GPR174: variants seen among roughly 807,000 people sequenced by gnomAD.
The protein encoded by GPR174 is G protein-coupled receptor 174, also known as probable G protein-coupled receptor 174.
A neutral mutation model predicts 16.5 loss-of-function variants in GPR174; 8 were observed. The observed-to-expected ratio is 0.48, with a 90% CI of 0.28 to 0.87. The LOEUF (loss-of-function observed/expected upper bound fraction) is 0.87. Among genes scored for constraint, GPR174 ranks in the 40% least tolerant of loss-of-function variants. The pLI is 0.09. For synonymous variants in GPR174, 111 were observed against 94.8 expected (o/e 1.17, Z -0.99); for missense variants, 214 against 247.5 (o/e 0.86, Z 0.91).
At chrX:79,150,907 G>A (rs1466626588) in intron 1 of GPR174, among the ~76,000 whole-genome samples, 1 of 111,226 alleles carries the variant, frequency 9.0e-6, no homozygotes. Flanking sequence ...ACATTTAGGA[G>A]TTTCCAGAGC....
chrX:79,171,012 C>T lies in GPR174; in HGVS notation c.5C>T (p.Pro2Leu), dbSNP rs769369412. The T allele has an allele frequency of 8.4e-7, 1 of 1,185,391 alleles. No homozygotes were observed. The highest frequency in any genetic ancestry group is 3.0e-5 in the East Asian group (1 of 33,615). ...ATAGTTTCTCTAGAGAGAATCATGC[C>T]TGCTAATTACACGTGTACCAGGCCA... MPANYTCTRPDG... is the reference protein window; with the variant it reads MLANYTCTRPDG... Residue 2 changes from proline to leucine, a missense_variant, in exon 3 of 3, where the codon CCT becomes CTT. Transcript: ENST00000645147.
rs776806675 is a variant in GPR174 at position 79,174,551 on chromosome X, C to A, written c.*2542C>A. Reference sequence around the variant, plus strand: ...ATTTTGGATAAAGTGGGTCCCACAGCACTGCCTTTCATATTGCATACAGTA... The same window carrying A: ...ATTTTGGATAAAGTGGGTCCCACAGAACTGCCTTTCATATTGCATACAGTA... On this transcript the variant is annotated 3_prime_UTR_variant, in exon 3 of 3. Coordinates refer to ENST00000645147, the MANE Select transcript of GPR174 (RefSeq NM_032553.3). 9.1e-6 allele frequency: 1 copy of A among 109,655 alleles called. No homozygotes were observed. Among genetic ancestry groups the A allele is most frequent in the South Asian group, 4.0e-4 (1 of 2,507 alleles). 9.0% of individuals were successfully genotyped at this position (109,655 alleles called of 1,213,427 possible).
chrX:79,152,336 C>T (rs1259087762), intron 1 of GPR174, among the ~76,000 whole-genome samples: 5 of 105,489 alleles, frequency 4.7e-5, no homozygotes, highest in Non-Finnish European at 1.0e-4. Context: ...TGTGAGTAAG[C>T]TTTTTCCTTA....
At chrX:79,146,049 G>T (rs5912775) in intron 1 of GPR174, among the ~76,000 whole-genome samples, 42,647 of 110,756 alleles carry the variant, frequency 0.39, 6,501 homozygotes, top group Non-Finnish European at 0.49. Flanking sequence ...TTTGCGTGTT[G>T]TCTCTGTTTT....
chrX:79,169,200 AG>A (rs1016040571), intron 2 of GPR174, among the ~76,000 whole-genome samples: 1 of 111,369 alleles, frequency 9.0e-6, no homozygotes, highest in Non-Finnish European at 1.9e-5. Context: ...CAGTATGCTG[AG>A]GAAAAAAAAA....
Position 79,156,872 on chromosome X carries a change from C to T in GPR174, c.-603C>T, listed in dbSNP as rs896587265. 8.9e-6 allele frequency: 1 copy of T among 112,045 alleles called. No homozygotes were observed. Among genetic ancestry groups the T allele is most frequent in the Non-Finnish European group, 1.9e-5 (1 of 53,161 alleles). The allele number at this position is 112,045 out of a possible 1,213,427, so 9.2% of individuals were successfully genotyped here. A position where few individuals can be genotyped will look rare whatever the true frequency, so the allele number is the denominator to read the frequency against. ...TTCTCCAACACTTCCTCAGGAGACC[C>T]TATTGCTCTGATCAAGAAGTTCCAT... On this transcript the variant is annotated 5_prime_UTR_variant, in exon 2 of 3. Coordinates refer to ENST00000645147, the MANE Select transcript of GPR174 (RefSeq NM_032553.3).
intron 1 of GPR174, among the ~76,000 whole-genome samples, chrX:79,154,616 T>A (rs187896495): frequency 9.0e-6 from 1 of 110,939 alleles, no homozygotes; most frequent in Admixed American, 9.7e-5. Flanking sequence ...TATTCCCCAA[T>A]ATTTATCAAG....
Position 79,172,263 on chromosome X carries a change from T to A in GPR174, c.*254T>A, listed in dbSNP as rs1327991579. On this transcript the variant is annotated 3_prime_UTR_variant, in exon 3 of 3. Transcript: ENST00000645147. Reference sequence around the variant, plus strand: ...CTTAAAATATCAAATTTCTGTGACATCCTATAAACATATGCACTCAACTGT... The same window carrying A: ...CTTAAAATATCAAATTTCTGTGACAACCTATAAACATATGCACTCAACTGT... 1 of 345,594 alleles carries A rather than the reference T, an allele frequency of 2.9e-6. No individual in the cohort carries two copies. Among genetic ancestry groups the A allele is most frequent in the African/African-American group, 2.6e-5 (1 of 38,279 alleles). The allele number at this position is 345,594 out of a possible 1,213,427, so 28.5% of individuals were successfully genotyped here.
chrX:79,172,868 C>T lies in GPR174; in HGVS notation c.*859C>T, dbSNP rs912431761. On this transcript the variant is annotated 3_prime_UTR_variant, in exon 3 of 3. Transcript: ENST00000645147. The stretch of plus-strand genomic sequence containing the variant: ...GAACACTTCTGGAGATGTATGGACC[C>T]GCCTAGTAGAGGAAGTTTTTATCAT... 4 of 111,122 alleles carry T rather than the reference C, an allele frequency of 3.6e-5. No individual in the cohort carries two copies. The highest frequency in any genetic ancestry group is 1.3e-4 in the African/African-American group (4 of 30,507). 9.2% of individuals were successfully genotyped at this position (111,122 alleles called of 1,213,427 possible). A position where few individuals can be genotyped will look rare whatever the true frequency, so the allele number is the denominator to read the frequency against.
chrX:79,166,432 C>T (rs373364316), intron 2 of GPR174, among the ~76,000 whole-genome samples: 107 of 43,510 alleles, frequency 2.5e-3, no homozygotes, highest in South Asian at 0.011. Context: ...TTTCTTTTTT[C>T]TTTTTTTTTT....
chrX:79,158,741 C>T (rs937787233), intron 2 of GPR174, among the ~76,000 whole-genome samples: 3 of 99,203 alleles, frequency 3.0e-5, no homozygotes, highest in Non-Finnish European at 6.0e-5. Flanking sequence ...CGCACCCAGC[C>T]GACAGTGGCA....
chrX:79,161,212 G>A (rs902153459), intron 2 of GPR174, among the ~76,000 whole-genome samples: 1 of 111,862 alleles, frequency 8.9e-6, no homozygotes, highest in African/African-American at 3.3e-5. Flanking sequence ...AAATACTTAG[G>A]TTGGTAGGTA....
chrX:79,171,230 A>C lies in GPR174; in HGVS notation c.223A>C (p.Arg75=). Residue 75 remains arginine (R), a synonymous_variant, in exon 3 of 3, where the codon AGG becomes CGG. Transcript: ENST00000645147. ...ACTACAAGTTCTTTCCTTGCCACTGAGGATCTTCTACTACTTGAATCATGA... is the reference window on the plus strand; with the variant it reads ...ACTACAAGTTCTTTCCTTGCCACTGCGGATCTTCTACTACTTGAATCATGA... The part of the protein sequence containing the change: ...DLLQVLSLPL[R]IFYYLNHDWP... The C allele has an allele frequency of 2.5e-6, 3 of 1,210,433 alleles. No homozygotes were observed. The highest frequency in any genetic ancestry group is 4.4e-5 in the Admixed American group (2 of 45,932).
rs199569151 is a variant in GPR174 at position 79,171,598 on chromosome X, G to A, written c.591G>A (p.Pro197=). 52 of 1,209,019 alleles carry A rather than the reference G, an allele frequency of 4.3e-5. No homozygotes were observed. The highest frequency in any genetic ancestry group is 2.3e-4 in the Middle Eastern group (1 of 4,350). Residue 197 remains proline, a synonymous_variant, in exon 3 of 3, where the codon CCG becomes CCA. Coordinates refer to ENST00000645147, the MANE Select transcript of GPR174 (RefSeq NM_032553.3). ...GCGAGTTGATTGGGTTTGTAACTCC[G>A]CTTCTGATTGTCCTATATTGTACCT... ...TIGELIGFVT[P]LLIVLYCTWK... is the part of the protein sequence containing the mutation.
At chrX:79,146,228 AC>A (rs1926497630) in intron 1 of GPR174, among the ~76,000 whole-genome samples, 1 of 111,724 alleles carries the variant, frequency 9.0e-6, no homozygotes, top group Non-Finnish European at 1.9e-5. Context: ...GTACAATATG[AC>A]CCAGGATTAA....
chrX:79,158,886 G>T (rs994856795), intron 2 of GPR174, among the ~76,000 whole-genome samples: 1 of 107,364 alleles, frequency 9.3e-6, no homozygotes, highest in Non-Finnish European at 1.9e-5. Flanking sequence ...GTAATGTAAA[G>T]ACTGCAACTA....
At position 79,170,942 on chromosome X, in the gene GPR174, C is replaced by A. The variant is rs1868290488; in HGVS notation, c.-66C>A. 5.2e-6 allele frequency: 5 copies of A among 963,286 alleles called. No individual in the cohort carries two copies. The highest frequency in any genetic ancestry group is 7.2e-6 in the Non-Finnish European group (5 of 698,437). The allele number at this position is 963,286 out of a possible 1,213,427, so 79.4% of individuals were successfully genotyped here. ...CTGGCAATCAATCTTTTGGAAGGAA[C>A]AGCAGTTGATTGTGAATTTAGTTTT... is the stretch of plus-strand genomic sequence containing the variant. On this transcript the variant is annotated 5_prime_UTR_variant, in exon 3 of 3. Transcript: ENST00000645147.
intron 2 of GPR174, among the ~76,000 whole-genome samples, chrX:79,158,046 A>G (rs1921141333): frequency 9.4e-6 from 1 of 106,821 alleles, no homozygotes; most frequent in Non-Finnish European, 2.0e-5. Flanking sequence ...GTTTGATGCA[A>G]AAGTAATTGT....
chrX:79,146,044 G>A lies in GPR174; in HGVS notation c.-654+827G>A, dbSNP rs190402125. ...TAAGTGAAATTATTTCCTTGTTTGCGTGTTGTCTCTGTTTTGTGCTCCAAG... is the reference window on the plus strand; with the variant it reads ...TAAGTGAAATTATTTCCTTGTTTGCATGTTGTCTCTGTTTTGTGCTCCAAG... On this transcript the variant is annotated intron_variant, in intron 1 of 2. Coordinates refer to ENST00000645147, the MANE Select transcript of GPR174 (RefSeq NM_032553.3). Among the ~76,000 whole-genome samples, 469 of 111,682 alleles carry A rather than the reference G, an allele frequency of 4.2e-3. 5 individuals carry two copies. The South Asian group carries it at 0.098, about 23-fold the overall frequency.
Sources: allele counts gnomAD v4.1 joint callset (sites outside exome capture counted in the v4.1 genomes callset), GRCh38; gene constraint gnomAD v4.1.1; transcripts MANE v1.5; gene names NCBI Gene and HGNC (gene_info 2026-07-23, HGNC 2026-07-21).